SDC2: variants seen among roughly 807,000 people sequenced by gnomAD.
The protein encoded by SDC2 is syndecan 2.
A neutral mutation model predicts 22.2 loss-of-function variants in SDC2; 13 were observed. The observed-to-expected ratio is 0.59, with a 90% confidence interval of 0.38 to 0.93. The LOEUF (loss-of-function observed/expected upper bound fraction) is 0.93, where lower values mean the gene tolerates loss of function less well. Among genes scored for constraint, SDC2 ranks in the 40% least tolerant of loss-of-function variants. The pLI is 0.00. For synonymous variants in SDC2, 94 were observed against 92.8 expected, an observed-to-expected ratio of 1.01 and a Z score of -0.07; for missense variants, 235 against 246.8, an observed-to-expected ratio of 0.95 and a Z score of 0.32.
intron 1 of SDC2, among the ~76,000 whole-genome samples, chr8:96,588,096 G>A (rs1275304180): frequency 2.6e-5 from 4 of 152,204 alleles, no homozygotes; most frequent in Admixed American, 2.6e-4. Flanking sequence ...ATGGTCTGAT[G>A]TCACTCATGT....
intron 1 of SDC2, among the ~76,000 whole-genome samples, chr8:96,544,074 A>G (rs1813893851): frequency 6.6e-6 from 1 of 152,124 alleles, no homozygotes; most frequent in Non-Finnish European, 1.5e-5. Context: ...CATGATATTG[A>G]CTTGTAGATG....
chr8:96,605,579 G>C (rs1409747080), intron 3 of SDC2, among the ~76,000 whole-genome samples: 1 of 152,216 alleles, frequency 6.6e-6, no homozygotes, highest in Non-Finnish European at 1.5e-5. Context: ...GTAATAGAAA[G>C]GACGGTGACA....
chr8:96,507,579 C>G (rs553812374), intron 1 of SDC2, among the ~76,000 whole-genome samples: 1 of 152,060 alleles, frequency 6.6e-6, no homozygotes, highest in Non-Finnish European at 1.5e-5. Flanking sequence ...ATTTGTAAGT[C>G]TTAGGAAGAT....
chr8:96,608,840 A>T (rs924680635), intron 4 of SDC2, among the ~76,000 whole-genome samples: 2 of 152,214 alleles, frequency 1.3e-5, no homozygotes, highest in Admixed American at 1.3e-4. Flanking sequence ...CTTTAGGGGA[A>T]GGCAGTTCAT....
chr8:96,559,165 C>T (rs1465839984), intron 1 of SDC2, among the ~76,000 whole-genome samples: 1 of 152,124 alleles, frequency 6.6e-6, no homozygotes, highest in African/African-American at 2.4e-5. Context: ...ATATTTGACA[C>T]AAGGGCCGAT....
At chr8:96,595,506 C>CT (rs34644065) in intron 2 of SDC2, among the ~76,000 whole-genome samples, 29,239 of 146,018 alleles carry the variant, frequency 0.2, 3,260 homozygotes, top group South Asian at 0.36. Context: ...CATGGCACCT[C>CT]TTTTTTTTTT....
intron 1 of SDC2, among the ~76,000 whole-genome samples, chr8:96,525,709 A>C (rs750297811): frequency 6.6e-6 from 1 of 152,082 alleles, no homozygotes; most frequent in Non-Finnish European, 1.5e-5. Flanking sequence ...CCAAGTCTTT[A>C]TTGATCTCCG....
chr8:96,604,151 G>A (rs1406035860), intron 3 of SDC2, among the ~76,000 whole-genome samples: 1 of 152,184 alleles, frequency 6.6e-6, no homozygotes, highest in Non-Finnish European at 1.5e-5. Flanking sequence ...CAACTCTCCT[G>A]GGTGAGTTTT....
At chr8:96,586,185 A>AC (rs1012004694) in intron 1 of SDC2, among the ~76,000 whole-genome samples, 8 of 152,204 alleles carry the variant, frequency 5.3e-5, no homozygotes, top group Non-Finnish European at 8.8e-5. Flanking sequence ...TCCCCTCAGA[A>AC]TAAGGCCGAA....
intron 1 of SDC2, among the ~76,000 whole-genome samples, chr8:96,518,366 T>C (rs975554607): frequency 1.3e-5 from 2 of 150,858 alleles, no homozygotes; most frequent in Non-Finnish European, 1.5e-5. Flanking sequence ...GAGAGGTTTT[T>C]TTTTTTTTTT....
chr8:96,510,127 G>A (rs1420103514), intron 1 of SDC2, among the ~76,000 whole-genome samples: 3 of 152,160 alleles, frequency 2.0e-5, no homozygotes, highest in Non-Finnish European at 4.4e-5. Context: ...TGTTTGGCCA[G>A]CTTATTAGAT....
chr8:96,588,513 T>C (rs1229390620), intron 1 of SDC2, among the ~76,000 whole-genome samples: 1 of 152,242 alleles, frequency 6.6e-6, no homozygotes, highest in African/African-American at 2.4e-5. Context: ...TAAAAGTTAA[T>C]ATACATTTGA....
chr8:96,572,829 A>T (rs930081192), intron 1 of SDC2, among the ~76,000 whole-genome samples: 3 of 152,192 alleles, frequency 2.0e-5, no homozygotes, highest in Non-Finnish European at 4.4e-5. Flanking sequence ...GGAATTCCTT[A>T]TTGCAGTAGG....
chr8:96,546,832 C>G (rs1367624804), intron 1 of SDC2, among the ~76,000 whole-genome samples: 2 of 152,240 alleles, frequency 1.3e-5, no homozygotes, highest in East Asian at 3.8e-4. Context: ...AGCACTCTAA[C>G]CATGCTTCAG....
At chr8:96,574,261 C>T (rs115199466) in intron 1 of SDC2, among the ~76,000 whole-genome samples, 2 of 152,018 alleles carry the variant, frequency 1.3e-5, no homozygotes, top group East Asian at 1.9e-4. Context: ...CATGGGGAAA[C>T]CCTGGGATGG....
Position 96,609,608 on chromosome 8 carries a change from C to G in SDC2, c.*60C>G, listed in dbSNP as rs1284554263. 1.6e-6 allele frequency: 2 copies of G among 1,227,696 alleles called. No individual in the cohort carries two copies. The highest frequency in any genetic ancestry group is 2.6e-5 in the East Asian group (1 of 38,106). 76.1% of individuals were successfully genotyped at this position (1,227,696 alleles called of 1,614,324 possible). A position where few individuals can be genotyped will look rare whatever the true frequency, so the allele number is the denominator to read the frequency against. On this transcript the variant is annotated 3_prime_UTR_variant, in exon 5 of 5. Coordinates refer to ENST00000302190, the MANE Select transcript of SDC2 (RefSeq NM_002998.4). ...TGAACTTTTCAAAATAAAGCTTTTG[C>G]ATAGAATAATGAAGATCTTTGTTTT... is the stretch of plus-strand genomic sequence containing the variant.
At chr8:96,500,285 T>TGGTCATTTAGAA (rs1298054307) in intron 1 of SDC2, among the ~76,000 whole-genome samples, 1 of 152,116 alleles carries the variant, frequency 6.6e-6, no homozygotes, top group African/African-American at 2.4e-5. Context: ...GGTATGCCGT[T>TGGTCATTTAGAA]GGTCATTTAG....
intron 1 of SDC2, among the ~76,000 whole-genome samples, chr8:96,513,419 A>G (rs1813357125): frequency 6.6e-6 from 1 of 152,218 alleles, no homozygotes. Context: ...GAGCCTTCAC[A>G]GGCTGCTTTT....
At chr8:96,537,256 A>G (rs1025324726) in intron 1 of SDC2, 2 of 152,190 alleles carry the variant, frequency 1.3e-5, no homozygotes, top group African/African-American at 4.8e-5. Context: ...AAAATGAAAG[A>G]TGGCTAGTGG....
Sources: allele counts gnomAD v4.1 joint callset (sites outside exome capture counted in the v4.1 genomes callset), GRCh38; gene constraint gnomAD v4.1.1; transcripts MANE v1.5; gene names NCBI Gene and HGNC (gene_info 2026-07-23, HGNC 2026-07-21).